CLDN16: variants seen among roughly 807,000 people sequenced by gnomAD.
CLDN16 encodes claudin 16.
Under a neutral mutation model 24.6 loss-of-function variants are expected in CLDN16, and 13 were observed. The observed-to-expected ratio is 0.53, with a 90% CI of 0.34 to 0.84. The LOEUF is 0.84. CLDN16 is among the 40% of genes least tolerant of loss of function. The pLI is 0.01. For synonymous variants in CLDN16, 116 were observed against 106.7 expected (o/e 1.09, Z -0.54); for missense variants, 298 against 292.7 (o/e 1.02, Z -0.13).
In CLDN16 at chr3:190,402,332, T is replaced by A; in HGVS notation, c.115-5T>A. On this transcript the variant is annotated splice_region_variant and splice_polypyrimidine_tract_variant and intron_variant, in intron 1 of 4. Transcript: ENST00000264734. ...GTTTCACACGGTGTCTTCTCTAACA[T>A]CTAGGTGAGCACAAAATGCCGAGGC... 6.2e-7 allele frequency: 1 copy of A among 1,610,878 alleles called. No individual in the cohort carries two copies. The highest frequency in any genetic ancestry group is 8.5e-7 in the Non-Finnish European group (1 of 1,177,110).
upstream of CLDN16, among the ~76,000 whole-genome samples, chr3:190,321,071 TACACAGAAATTTCTTTGTGGAAGATGGAA>T (rs2108615943): frequency 1.3e-5 from 2 of 152,296 alleles, no homozygotes; most frequent in South Asian, 4.2e-4. Context: ...GAACATCCAT[TACACAGAAATTTCTTTGTGGAAGATGGAA>T]ACCTAAGGAA....
At chr3:190,338,026 T>C (rs1350090691) in intron 1 of CLDN16, among the ~76,000 whole-genome samples, 1 of 152,170 alleles carries the variant, frequency 6.6e-6, no homozygotes, top group Non-Finnish European at 1.5e-5. Flanking sequence ...CAGAAAGATG[T>C]ACATTCATCC....
chr3:190,404,141 A>G, intron 2 of CLDN16, among the ~76,000 whole-genome samples: 1 of 152,298 alleles, frequency 6.6e-6, no homozygotes, highest in South Asian at 2.1e-4. Flanking sequence ...ATATTGGCCA[A>G]GAAGAGTCAT....
At chr3:190,326,193 AATAGTAGCTGGT>A (rs1185114350) in intron 1 of CLDN16, among the ~76,000 whole-genome samples, 1 of 152,206 alleles carries the variant, frequency 6.6e-6, no homozygotes, top group Non-Finnish European at 1.5e-5. Context: ...CATTATTTAA[AATAGTAGCTGGT>A]ATAGAGCAAG....
At chr3:190,386,336 A>G (rs1197206321), upstream of CLDN16, among the ~76,000 whole-genome samples, 1 of 152,174 alleles carries the variant, frequency 6.6e-6, no homozygotes, top group Non-Finnish European at 1.5e-5. Context: ...TGTACCTCGC[A>G]GATAGTTATA....
intron 1 of CLDN16, among the ~76,000 whole-genome samples, chr3:190,333,598 A>G (rs1296004576): frequency 1.3e-5 from 2 of 151,444 alleles, no homozygotes; most frequent in African/African-American, 4.9e-5. Flanking sequence ...TCTTTCTATA[A>G]ATCTACTGAT....
intron 1 of CLDN16, among the ~76,000 whole-genome samples, chr3:190,361,767 T>A (rs920743659): frequency 6.6e-6 from 1 of 151,616 alleles, no homozygotes; most frequent in African/African-American, 2.4e-5. Flanking sequence ...GCTGCAAACA[T>A]AGATAAACAA....
the CLDN16 span, chr3:190,313,048 C>T: frequency 3.7e-6 from 6 of 1,614,018 alleles, no homozygotes; most frequent in Non-Finnish European, 5.1e-6. Context: ...TGGCAGAAAA[C>T]ATTTTAAAAC....
At chr3:190,315,105 T>C in the CLDN16 span, among the ~76,000 whole-genome samples, 3 of 152,232 alleles carry the variant, frequency 2.0e-5, no homozygotes, top group African/African-American at 7.2e-5. Flanking sequence ...GCTATCATTA[T>C]TGGGAAATAA....
intron 1 of CLDN16, among the ~76,000 whole-genome samples, chr3:190,358,548 C>T (rs1353848559): frequency 6.6e-6 from 1 of 151,896 alleles, no homozygotes; most frequent in Non-Finnish European, 1.5e-5. Flanking sequence ...AAAAGCATCA[C>T]TAGGGATAAC....
chr3:190,325,765 G>A (rs1047245929), intron 1 of CLDN16, among the ~76,000 whole-genome samples: 5 of 152,138 alleles, frequency 3.3e-5, no homozygotes, highest in Non-Finnish European at 7.4e-5. Context: ...TTTTTGCTTA[G>A]TGTTAATATA....
chr3:190,318,498 C>T (rs1716829311), upstream of CLDN16, among the ~76,000 whole-genome samples: 1 of 152,112 alleles, frequency 6.6e-6, no homozygotes, highest in East Asian at 1.9e-4. Context: ...ATAAACGAAT[C>T]ATAGATTCAT....
chr3:190,322,382 C>T (rs1716953205), upstream of CLDN16: 7 of 648,666 alleles, frequency 1.1e-5, no homozygotes, highest in Non-Finnish European at 1.6e-5. Context: ...GGGGTCCGCG[C>T]CCGGGGCGGC....
At chr3:190,309,508 T>A in the CLDN16 span, among the ~76,000 whole-genome samples, 2 of 152,218 alleles carry the variant, frequency 1.3e-5, no homozygotes, top group Non-Finnish European at 2.9e-5. Context: ...AATGTAGTTA[T>A]TAGGCATTAA....
At position 190,324,339 on chromosome 3, in the gene CLDN16, C is replaced by T. The variant is rs538426849; in HGVS notation, n.121+1678C>T. Among the ~76,000 whole-genome samples, 4 of 151,980 alleles carry T rather than the reference C, an allele frequency of 2.6e-5. No homozygotes were observed. The South Asian group carries it at 8.3e-4, about 32-fold the overall frequency. On this transcript the variant is annotated intron_variant and non_coding_transcript_variant, in intron 1 of 4. Coordinates refer to the CLDN16 transcript ENST00000468220. ...CTCTACTAACAATATGAAAATTAGC[C>T]GGGCATGGTGGTGGGCGCCTGTAAT... is the stretch of plus-strand genomic sequence containing the variant.
At chr3:190,340,279 A>G (rs1357483111) in intron 1 of CLDN16, among the ~76,000 whole-genome samples, 1 of 152,160 alleles carries the variant, frequency 6.6e-6, no homozygotes, top group Admixed American at 6.5e-5. Flanking sequence ...GTATTAGTCC[A>G]TTTTCATCCT....
At chr3:190,317,481 C>T in the CLDN16 span, among the ~76,000 whole-genome samples, 1 of 152,154 alleles carries the variant, frequency 6.6e-6, no homozygotes, top group Admixed American at 6.5e-5. Context: ...TGATCTACTA[C>T]ACTTAGGTTA....
intron 1 of CLDN16, among the ~76,000 whole-genome samples, chr3:190,348,280 C>CAAAAAAAAAAAAAAAAAAATAAAAAA: frequency 1.3e-5 from 1 of 76,986 alleles, no homozygotes; most frequent in Non-Finnish European, 2.2e-5. Context: ...AAGAATAAAT[C>CAAAAAAAAAAAAAAAAAAATAAAAAA]AAAAAAAAAA....
At chr3:190,295,448 T>C in the CLDN16 span, among the ~76,000 whole-genome samples, 1 of 152,246 alleles carries the variant, frequency 6.6e-6, no homozygotes, top group East Asian at 1.9e-4. Flanking sequence ...TTTTTCGGAG[T>C]TGGACTCCCT....
Sources: allele counts gnomAD v4.1 joint callset (sites outside exome capture counted in the v4.1 genomes callset), GRCh38; gene constraint gnomAD v4.1.1; transcripts MANE v1.5; gene names NCBI Gene and HGNC (gene_info 2026-07-23, HGNC 2026-07-21).